The following TMC5 variants were observed in gnomAD, a reference collection of about 807,000 sequenced individuals.
The protein encoded by TMC5 is transmembrane channel-like protein 5.
In TMC5, 86 loss-of-function variants were observed where a neutral mutation model predicts 110.5. The observed-to-expected ratio is 0.78, with a 90% confidence interval of 0.65 to 0.93. The LOEUF is 0.93. Among genes scored for constraint, TMC5 ranks in the 40% least tolerant of loss-of-function variants. The pLI, the probability that TMC5 is intolerant of heterozygous loss-of-function variation, is 0.00. For synonymous variants in TMC5, 455 were observed against 439.5 expected (o/e 1.04, Z -0.44); for missense variants, 1,144 against 1,222.8 (o/e 0.94, Z 0.96).
At chr16:19,430,355 T>C (rs752097456) in intron 1 of TMC5, 58 bp from the exon 2 acceptor site, 6 of 152,216 alleles carry the variant, frequency 3.9e-5, no homozygotes, top group Non-Finnish European at 7.3e-5. Context: ...AGGATTGGGT[T>C]GTACAGTATG....
chr16:19,497,489 C>G (rs1969086507), intron 21 of TMC5, among the ~76,000 whole-genome samples: 1 of 152,158 alleles, frequency 6.6e-6, no homozygotes, highest in South Asian at 2.1e-4. Flanking sequence ...GACTGAGGGA[C>G]CCAGGATTCT....
intron 1 of TMC5, among the ~76,000 whole-genome samples, chr16:19,430,092 T>C (rs1029304922): frequency 6.6e-6 from 1 of 152,182 alleles, no homozygotes; most frequent in African/African-American, 2.4e-5. Flanking sequence ...ACATTTACGA[T>C]AGTGGCACCT....
At position 19,472,179 on chromosome 16, in the gene TMC5, T is replaced by G; in HGVS notation, c.1874T>G (p.Val625Gly). Reference sequence around the variant, plus strand: ...TCTGCCTACATGGTAGCCTGGGTTGTCTCTACAGGAGTGGCCATAGCCTGC... The same window carrying G: ...TCTGCCTACATGGTAGCCTGGGTTGGCTCTACAGGAGTGGCCATAGCCTGC... ...RFSAYMVAWV[V>G]STGVAIACCA... Residue 625 changes from valine to glycine, a missense_variant, in exon 11 of 22, where the codon GTC becomes GGC. Transcript: ENST00000542583. 6.2e-7 allele frequency: 1 copy of G among 1,614,194 alleles called. No individual in the cohort carries two copies. Among genetic ancestry groups the G allele is most frequent in the Admixed American group, 1.7e-5 (1 of 60,008 alleles).
At chr16:19,418,451 C>G (rs563650085) in intron 1 of TMC5, among the ~76,000 whole-genome samples, 1 of 152,170 alleles carries the variant, frequency 6.6e-6, no homozygotes, top group South Asian at 2.1e-4. Flanking sequence ...AGGTGGATAT[C>G]AGAGCTAATA....
At chr16:19,473,347 A>G (rs1968396509) in intron 11 of TMC5, among the ~76,000 whole-genome samples, 1 of 59,946 alleles carries the variant, frequency 1.7e-5, no homozygotes, top group Non-Finnish European at 3.2e-5. Flanking sequence ...CTCCGGCTCA[A>G]AAAAAAAAAA....
chr16:19,410,911 C>G (rs1411049758), exon 1 of TMC5: 1 of 152,274 alleles, frequency 6.6e-6, no homozygotes, highest in Non-Finnish European at 1.5e-5. Context: ...GGCGCCCAAG[C>G]GTGGCAGCAC....
intron 1 of TMC5, among the ~76,000 whole-genome samples, chr16:19,428,533 T>G (rs954298318): frequency 6.6e-6 from 1 of 152,208 alleles, no homozygotes; most frequent in Non-Finnish European, 1.5e-5. Flanking sequence ...TAAGACGCAT[T>G]TGTTACTTCA....
rs191832505 is a variant in TMC5 at position 19,449,513 on chromosome 16, C to T, written c.959-29C>T. 400 of 1,582,828 alleles carry T rather than the reference C, an allele frequency of 2.5e-4. 1 individual carries two copies. The African/African-American group carries it at 3.6e-3, about 14-fold the overall frequency. On this transcript the variant is annotated intron_variant, in intron 4 of 21. Transcript: ENST00000542583. ...GAATGTCTAGTGTGGTGAGACTAATCGGCAATATCTCCTTCCTCTTCCCTC... is the reference window on the plus strand; with the variant it reads ...GAATGTCTAGTGTGGTGAGACTAATTGGCAATATCTCCTTCCTCTTCCCTC...
At chr16:19,419,095 A>T (rs747553749) in intron 1 of TMC5, among the ~76,000 whole-genome samples, 4 of 152,186 alleles carry the variant, frequency 2.6e-5, no homozygotes, top group Non-Finnish European at 5.9e-5. Context: ...ATGGGTTTGA[A>T]TCCCATTCTG....
At chr16:19,434,491 G>GATAGATAT (rs1186259117) in intron 2 of TMC5, among the ~76,000 whole-genome samples, 7 of 76,330 alleles carry the variant, frequency 9.2e-5, no homozygotes, top group African/African-American at 2.3e-4. Context: ...TAGATAGATA[G>GATAGATAT]ATATAGAGAG....
intron 1 of TMC5, among the ~76,000 whole-genome samples, chr16:19,425,282 T>G (rs1209947672): frequency 6.6e-6 from 1 of 152,108 alleles, no homozygotes; most frequent in African/African-American, 2.4e-5. Flanking sequence ...CTATGTCACT[T>G]TATGTCACTT....
At chr16:19,472,985 C>T (rs1968382226) in intron 11 of TMC5, among the ~76,000 whole-genome samples, 1 of 152,164 alleles carries the variant, frequency 6.6e-6, no homozygotes, top group Admixed American at 6.5e-5. Flanking sequence ...CCCGGCTCCA[C>T]TCCCAGCCAA....
chr16:19,421,337 C>T (rs142094524), intron 1 of TMC5, among the ~76,000 whole-genome samples: 13 of 152,186 alleles, frequency 8.5e-5, no homozygotes, highest in East Asian at 1.9e-4. Flanking sequence ...ATGAGAGGGA[C>T]GCTGTGGGAG....
At chr16:19,462,474 A>G in intron 6 of TMC5, 2 of 699,778 alleles carry the variant, frequency 2.9e-6, no homozygotes, top group Non-Finnish European at 5.2e-6. Context: ...TAAAGGAAAG[A>G]GGTTTAATGG....
chr16:19,485,600 TCA>T (rs1291450780), intron 15 of TMC5, among the ~76,000 whole-genome samples: 1 of 152,210 alleles, frequency 6.6e-6, no homozygotes, highest in African/African-American at 2.4e-5. Context: ...GCCTGGCCTC[TCA>T]CATATATTTT....
At chr16:19,419,192 C>T (rs1966922735) in intron 1 of TMC5, among the ~76,000 whole-genome samples, 1 of 152,110 alleles carries the variant, frequency 6.6e-6, no homozygotes, top group Admixed American at 6.6e-5. Context: ...TAATACCTCC[C>T]CATAAAGTTG....
At chr16:19,477,385 A>G (rs1968514655) in intron 12 of TMC5, 55 bp from the exon 13 acceptor site, 1 of 1,355,572 alleles carries the variant, frequency 7.4e-7, no homozygotes, top group Non-Finnish European at 1.1e-6. Context: ...CTATTTGCAG[A>G]CAGAATGAAA....
chr16:19,474,413 C>T (rs779104313), intron 12 of TMC5, 137 bp downstream of exon 12: 16 of 996,002 alleles, frequency 1.6e-5, no homozygotes, highest in African/African-American at 3.3e-5. Flanking sequence ...TGTGGCTGGG[C>T]GTGGTGGCTC....
chr16:19,492,354 C>CA (rs1275911198), intron 19 of TMC5, 126 bp downstream of exon 19: 2 of 506,208 alleles, frequency 4.0e-6, no homozygotes, highest in African/African-American at 3.9e-5. Flanking sequence ...TAACAACCAT[C>CA]AATGTTTTTA....
Sources: gnomAD v4.1 joint callset for allele counts (sites outside exome capture counted in the v4.1 genomes callset) on GRCh38, gnomAD v4.1.1 for gene constraint, MANE v1.5 for transcripts, NCBI Gene and HGNC (gene_info 2026-07-23, HGNC 2026-07-21) for gene names.